The following HDAC4 variants were observed in gnomAD, a reference collection of about 807,000 sequenced individuals.
The protein encoded by HDAC4 is histone deacetylase 4, also known as histone deacetylase A.
A neutral mutation model predicts 135.1 loss-of-function variants in HDAC4; 16 were observed. The ratio of observed to expected loss-of-function variants is 0.12; its 90% CI spans 0.08 to 0.18. The LOEUF (loss-of-function observed/expected upper bound fraction) is 0.18, where lower values mean the gene tolerates loss of function less well. Ranked by LOEUF, HDAC4 falls within the 10% of genes least tolerant of loss-of-function variation. HDAC4 has a pLI of 1.00. For missense variants in HDAC4, 1,143 were observed against 1,511.8 expected, an observed-to-expected ratio of 0.76 and a Z score of 4.05; for synonymous variants, 685 against 653.4, an observed-to-expected ratio of 1.05 and a Z score of -0.74.
At position 239,105,733 on chromosome 2, in the gene HDAC4, G is replaced by A. The variant is rs1559437024; in HGVS notation, c.2112+2317C>T. Among the ~76,000 whole-genome samples the A allele has an allele frequency of 2.6e-5, 4 of 152,264 alleles. No individual in the cohort carries two copies. In the East Asian group the frequency reaches 5.8e-4, roughly 22 times the overall value. Reference sequence around the variant, plus strand: ...TCTTGCTGTGGCCTCCAAGTGGTCCGCGGACTGGGGAAGTCACAGCCCCAT... The same window carrying A: ...TCTTGCTGTGGCCTCCAAGTGGTCCACGGACTGGGGAAGTCACAGCCCCAT... On this transcript the variant is annotated intron_variant, in intron 15 of 26. Coordinates refer to ENST00000543185, the MANE Select transcript of HDAC4 (RefSeq NM_001378414.1).
At chr2:239,066,893 G>A in intron 23 of HDAC4, 38 bp from the exon 24 acceptor site, 1 of 1,600,978 alleles carries the variant, frequency 6.2e-7, no homozygotes, top group Non-Finnish European at 8.5e-7. Flanking sequence ...GTGAACGGGG[G>A]AGGACCGCAG....
chr2:239,297,823 A>T (rs1282114154), intron 2 of HDAC4, among the ~76,000 whole-genome samples: 1 of 152,252 alleles, frequency 6.6e-6, no homozygotes, highest in Non-Finnish European at 1.5e-5. Flanking sequence ...ATCACTTTAG[A>T]ACTTTTGAGA....
At chr2:239,231,268 A>C (rs1293425117) in intron 3 of HDAC4, among the ~76,000 whole-genome samples, 2 of 152,192 alleles carry the variant, frequency 1.3e-5, no homozygotes, top group Non-Finnish European at 2.9e-5. Flanking sequence ...TCTTTAGTCC[A>C]GCATCCCGGT....
At chr2:239,093,341 C>T (rs1288337065) in intron 17 of HDAC4, among the ~76,000 whole-genome samples, 4 of 152,180 alleles carry the variant, frequency 2.6e-5, no homozygotes, top group Admixed American at 2.6e-4. Flanking sequence ...ACAAGAGCAC[C>T]TGCTGTGTGC....
Position 239,336,818 on chromosome 2 carries a change from T to C in HDAC4, c.22+15860A>G, listed in dbSNP as rs73102724. 5.1e-3 allele frequency among the ~76,000 whole-genome samples: 773 copies of C among 152,346 alleles called. 7 individuals carry two copies. Among genetic ancestry groups the C allele is most frequent in the African/African-American group, 0.018 (743 of 41,576 alleles). Reference sequence around the variant, plus strand: ...TGTCATTAACTAAAATTCTAGAGTTTAGGATTTCCTGAAGTTTCCCACTAA... The same window carrying C: ...TGTCATTAACTAAAATTCTAGAGTTCAGGATTTCCTGAAGTTTCCCACTAA... On this transcript the variant is annotated intron_variant, in intron 2 of 26. Coordinates refer to ENST00000543185, the MANE Select transcript of HDAC4 (RefSeq NM_001378414.1).
chr2:239,196,399 T>A (rs1162443894), intron 3 of HDAC4, among the ~76,000 whole-genome samples: 1 of 152,200 alleles, frequency 6.6e-6, no homozygotes, highest in East Asian at 1.9e-4. Flanking sequence ...GTGAGCAACA[T>A]CCTGACCTTG....
chr2:239,068,714 C>G lies in HDAC4; in HGVS notation c.2751-107G>C, dbSNP rs1032735288. 6.2e-6 allele frequency: 6 copies of G among 973,218 alleles called. No homozygotes were observed. In the African/African-American group the frequency reaches 9.5e-5, roughly 15 times the overall value. 60.3% of individuals were successfully genotyped at this position (973,218 alleles called of 1,614,324 possible). ...ATTGATAATGCCTGCCCCGCACCCC[C>G]TCGGCCACTGGCGGGCTGAGGGCTC... On this transcript the variant is annotated intron_variant, in intron 22 of 26. Coordinates refer to ENST00000543185, the MANE Select transcript of HDAC4 (RefSeq NM_001378414.1). This position sits in a 1 kb window ranked among gnomAD's most constrained non-coding sequence, Gnocchi z 4.4.
chr2:239,228,144 CAG>C (rs1160181800), intron 3 of HDAC4, among the ~76,000 whole-genome samples: 3 of 152,204 alleles, frequency 2.0e-5, no homozygotes, highest in Non-Finnish European at 4.4e-5. Context: ...CAAGAGAACA[CAG>C]ACCCCTCCTG....
intron 2 of HDAC4, among the ~76,000 whole-genome samples, chr2:239,269,189 CCA>C (rs556138098): frequency 4.0e-5 from 6 of 151,392 alleles, no homozygotes; most frequent in South Asian, 2.1e-4. Context: ...ATTCACACAC[CCA>C]CACACATTCA....
At chr2:239,190,657 G>C (rs909371468) in intron 3 of HDAC4, among the ~76,000 whole-genome samples, 12 of 152,182 alleles carry the variant, frequency 7.9e-5, no homozygotes, top group African/African-American at 2.9e-4. Context: ...TGGAAAACAT[G>C]TTTACCAGAC....
At chr2:239,154,092 C>T (rs552184668) in intron 7 of HDAC4, among the ~76,000 whole-genome samples, 5 of 152,098 alleles carry the variant, frequency 3.3e-5, no homozygotes, top group Non-Finnish European at 4.4e-5. Flanking sequence ...TGTTCTGTTG[C>T]GAGTTGGGGT....
In HDAC4 at chr2:239,053,166, G is replaced by T. The variant is rs1299684429; in HGVS notation, c.3231-30C>A. 4 of 1,613,814 alleles carry T rather than the reference G, an allele frequency of 2.5e-6. No individual in the cohort carries two copies. The South Asian group carries it at 4.4e-5, about 18-fold the overall frequency. ...GGATCCCGCAAGAGAAGGAGATGGG[G>T]GCGTGGGGCAGGTGCACCACAGAGA... is the stretch of plus-strand genomic sequence containing the variant. On this transcript the variant is annotated intron_variant, in intron 26 of 26. Transcript: ENST00000543185.
Position 239,262,948 on chromosome 2 carries a change from G to A in HDAC4, c.23-26284C>T, listed in dbSNP as rs896587527. On this transcript the variant is annotated intron_variant, in intron 2 of 26. Coordinates refer to ENST00000543185, the MANE Select transcript of HDAC4 (RefSeq NM_001378414.1). This position sits in a 1 kb window ranked among gnomAD's most constrained non-coding sequence, Gnocchi z 4.1. Reference sequence around the variant, plus strand: ...CAGCCTGGAAGCTTCTGTGCTTCACGAAAGATCTACGCGTGAAGCCCCCGG... The same window carrying A: ...CAGCCTGGAAGCTTCTGTGCTTCACAAAAGATCTACGCGTGAAGCCCCCGG... Among the ~76,000 whole-genome samples the A allele has an allele frequency of 9.2e-5, 14 of 151,930 alleles. No individual in the cohort carries two copies. The highest frequency in any genetic ancestry group is 2.0e-4 in the Admixed American group (3 of 15,266).
At chr2:239,149,539 C>T (rs1263749495) in intron 7 of HDAC4, among the ~76,000 whole-genome samples, 3 of 152,128 alleles carry the variant, frequency 2.0e-5, no homozygotes, top group Non-Finnish European at 2.9e-5. Flanking sequence ...CAGGTGAACG[C>T]ACTGCCGCTA....
rs150850395 is a variant in HDAC4 at position 239,371,745 on chromosome 2, C to T, written c.-219-18827G>A. On this transcript the variant is annotated intron_variant, in intron 1 of 26. Transcript: ENST00000543185. ...GCACAAGCAGGATGGAGACTGGAGC[C>T]TCTGTCGGCGTGGCCCGGGCCTTTA... Among the ~76,000 whole-genome samples, 309 of 152,344 alleles carry T rather than the reference C, an allele frequency of 2.0e-3. 2 individuals carry two copies. The highest frequency in any genetic ancestry group is 7.3e-3 in the African/African-American group (302 of 41,576).
At chr2:239,261,060 G>T (rs989857886) in intron 2 of HDAC4, among the ~76,000 whole-genome samples, 29 of 152,222 alleles carry the variant, frequency 1.9e-4, no homozygotes, top group Non-Finnish European at 3.2e-4. Context: ...GTTTCAGGTG[G>T]ACGTTCTGGA....
At chr2:239,333,984 A>G (rs1691754873) in intron 2 of HDAC4, among the ~76,000 whole-genome samples, 1 of 152,246 alleles carries the variant, frequency 6.6e-6, no homozygotes, top group South Asian at 2.1e-4. Context: ...CAGTGCAGCA[A>G]AGCAAGAAAG....
At chr2:239,340,143 C>G (rs1001107180) in intron 2 of HDAC4, among the ~76,000 whole-genome samples, 1 of 152,008 alleles carries the variant, frequency 6.6e-6, no homozygotes, top group Non-Finnish European at 1.5e-5. Context: ...GCTGCTGCTC[C>G]CTCACCCCAG....
intron 12 of HDAC4, among the ~76,000 whole-genome samples, chr2:239,116,451 T>C (rs939494198): frequency 6.6e-6 from 1 of 152,230 alleles, no homozygotes; most frequent in Non-Finnish European, 1.5e-5. Context: ...TGCCCATGCA[T>C]TGCTCACGAG....
Sources: allele counts gnomAD v4.1 joint callset (sites outside exome capture counted in the v4.1 genomes callset), GRCh38; gene constraint gnomAD v4.1.1; non-coding constraint Gnocchi (gnomAD v3.1); transcripts MANE v1.5; gene names NCBI Gene and HGNC (gene_info 2026-07-23, HGNC 2026-07-21).